Variants in ADK observed in about 807,000 individuals in gnomAD.
The protein encoded by ADK is N6,N6-dimethyladenosine kinase.
A neutral mutation model predicts 44.7 loss-of-function variants in ADK; 24 were observed. The ratio of observed to expected loss-of-function variants is 0.54; its 90% CI spans 0.39 to 0.76. The LOEUF (loss-of-function observed/expected upper bound fraction) is 0.76. Ranked by LOEUF, ADK falls within the 30% of genes least tolerant of loss-of-function variation. ADK has a pLI of 0.00. For missense variants in ADK, 321 were observed against 425.1 expected, an observed-to-expected ratio of 0.76 and a Z score of 2.15; for synonymous variants, 128 against 142.6, an observed-to-expected ratio of 0.90 and a Z score of 0.73.
intron 5 of ADK, 87 bp from the exon 6 acceptor site, chr10:74,398,384 A>G: frequency 1.3e-6 from 1 of 767,476 alleles, no homozygotes. Context: ...TAAATTTTAA[A>G]CTTTGCAAAA....
At chr10:74,690,410 T>G (rs937896522) in intron 10 of ADK, among the ~76,000 whole-genome samples, 4 of 152,168 alleles carry the variant, frequency 2.6e-5, no homozygotes, top group Admixed American at 1.3e-4. Context: ...GTGGGAGGAT[T>G]GCTTGAGCCT....
In ADK at chr10:74,444,635, A is replaced by G. The variant is rs1845534045; in HGVS notation, c.555+46056A>G. On this transcript the variant is annotated intron_variant, in intron 6 of 10. Transcript: ENST00000539909. ...CTGACAGCTTATCTTTCTTATAAGT[A>G]TAGTGTAAACATATAATTTATAATG... 2.0e-5 allele frequency among the ~76,000 whole-genome samples: 3 copies of G among 152,220 alleles called. No homozygotes were observed. The East Asian group carries it at 5.8e-4, about 29-fold the overall frequency.
At chr10:74,289,243 A>G (rs996110517) in intron 3 of ADK, among the ~76,000 whole-genome samples, 1 of 152,178 alleles carries the variant, frequency 6.6e-6, no homozygotes, top group Admixed American at 6.5e-5. Flanking sequence ...TGTAGAGACA[A>G]GGTCTCACTT....
At chr10:74,464,335 C>T (rs1199055440) in intron 6 of ADK, among the ~76,000 whole-genome samples, 1 of 151,730 alleles carries the variant, frequency 6.6e-6, no homozygotes, top group Non-Finnish European at 1.5e-5. Flanking sequence ...ACATTTGAGC[C>T]CAGGAGTTCA....
At chr10:74,564,755 C>G (rs1272355802) in intron 7 of ADK, among the ~76,000 whole-genome samples, 1 of 151,764 alleles carries the variant, frequency 6.6e-6, no homozygotes, top group Non-Finnish European at 1.5e-5. Flanking sequence ...TTTTAAATCC[C>G]TTTCCTGGAG....
chr10:74,152,804 A>G (rs1841643138), intron 1 of ADK, among the ~76,000 whole-genome samples: 1 of 152,208 alleles, frequency 6.6e-6, no homozygotes, highest in African/African-American at 2.4e-5. Flanking sequence ...ATGTTTTCTT[A>G]TACCTGCAGT....
chr10:74,152,348 G>T (rs1841621601), intron 1 of ADK, among the ~76,000 whole-genome samples: 2 of 152,164 alleles, frequency 1.3e-5, no homozygotes, highest in Non-Finnish European at 2.9e-5. Flanking sequence ...AAGGGTTAGT[G>T]TGCCTACCTT....
chr10:74,307,861 G>A (rs1017796439), intron 3 of ADK, among the ~76,000 whole-genome samples: 1 of 152,110 alleles, frequency 6.6e-6, no homozygotes, highest in South Asian at 2.1e-4. Flanking sequence ...AGTACCTGCC[G>A]GTGGACTTGG....
intron 6 of ADK, among the ~76,000 whole-genome samples, chr10:74,411,513 C>T (rs1844176620): frequency 1.3e-5 from 2 of 152,170 alleles, no homozygotes; most frequent in Non-Finnish European, 2.9e-5. Flanking sequence ...GGTAGCATTA[C>T]ATCTTTAAAA....
intron 4 of ADK, among the ~76,000 whole-genome samples, chr10:74,375,685 C>T (rs915808707): frequency 2.6e-5 from 4 of 152,080 alleles, no homozygotes; most frequent in Admixed American, 2.6e-4. Flanking sequence ...ACCTCAGCAG[C>T]ACCAGGAGAG....
intron 7 of ADK, among the ~76,000 whole-genome samples, chr10:74,561,691 G>T (rs1276475490): frequency 1.3e-5 from 2 of 152,182 alleles, no homozygotes; most frequent in Admixed American, 6.5e-5. Context: ...TTAAACCAGA[G>T]AAGCAGAACC....
chr10:74,499,462 G>A (rs921491660), intron 6 of ADK, among the ~76,000 whole-genome samples: 2 of 152,164 alleles, frequency 1.3e-5, no homozygotes, highest in Admixed American at 6.5e-5. Flanking sequence ...GCCGAGGCGG[G>A]TGGATCACGA....
chr10:74,255,866 C>A (rs908386464), intron 3 of ADK, among the ~76,000 whole-genome samples: 9 of 152,148 alleles, frequency 5.9e-5, no homozygotes, highest in Non-Finnish European at 1.0e-4. Context: ...GAACTTTAGT[C>A]ATTTTCTAGA....
At chr10:74,227,565 C>T (rs1264259986) in intron 3 of ADK, among the ~76,000 whole-genome samples, 4 of 152,050 alleles carry the variant, frequency 2.6e-5, no homozygotes, top group Non-Finnish European at 5.9e-5. Flanking sequence ...TAAAAAAGGC[C>T]GGGCACGGTG....
chr10:74,425,240 A>G (rs867353844), intron 6 of ADK, among the ~76,000 whole-genome samples: 8 of 152,216 alleles, frequency 5.3e-5, no homozygotes, highest in Admixed American at 2.0e-4. Flanking sequence ...ATAAACCTTC[A>G]TGAGGGTGGG....
At chr10:74,540,364 TGTAA>T (rs1849585556) in intron 7 of ADK, among the ~76,000 whole-genome samples, 2 of 152,188 alleles carry the variant, frequency 1.3e-5, no homozygotes, top group South Asian at 4.1e-4. Context: ...ACTATAAATT[TGTAA>T]GTGATTATTT....
intron 5 of ADK, 121 bp downstream of exon 5, chr10:74,394,434 T>G (rs1843441049): frequency 1.1e-6 from 1 of 935,978 alleles, no homozygotes; most frequent in East Asian, 2.5e-5. Flanking sequence ...TGATAAATGC[T>G]TATTCCTTAT....
intron 7 of ADK, among the ~76,000 whole-genome samples, chr10:74,564,294 G>A (rs894910453): frequency 2.6e-5 from 4 of 151,980 alleles, no homozygotes; most frequent in African/African-American, 2.4e-5. Flanking sequence ...AAGGAAGGCG[G>A]CTTAAAAAAA....
chr10:74,175,915 CATTAAACT>C (rs1254471700), intron 1 of ADK, among the ~76,000 whole-genome samples: 1 of 152,192 alleles, frequency 6.6e-6, no homozygotes, highest in Non-Finnish European at 1.5e-5. Context: ...TCTTCAACTG[CATTAAACT>C]GTAAGATTAG....
Sources: gnomAD v4.1 joint callset for allele counts (sites outside exome capture counted in the v4.1 genomes callset) on GRCh38, gnomAD v4.1.1 for gene constraint, MANE v1.5 for transcripts, NCBI Gene and HGNC (gene_info 2026-07-23, HGNC 2026-07-21) for gene names.